CDH13: variants seen among roughly 807,000 people sequenced by gnomAD.
CDH13 encodes cadherin-13.
Under a neutral mutation model 63.8 loss-of-function variants are expected in CDH13, and 24 were observed. The observed-to-expected ratio is 0.38, with a 90% CI of 0.27 to 0.53. The LOEUF (loss-of-function observed/expected upper bound fraction) is 0.53. Among genes scored for constraint, CDH13 ranks in the 20% least tolerant of loss-of-function variants. The pLI, the probability that CDH13 is intolerant of heterozygous loss-of-function variation, is 0.85. For synonymous variants in CDH13, 503 were observed against 355.3 expected, an observed-to-expected ratio of 1.42 and a Z score of -4.67; for missense variants, 1,049 against 903.1, an observed-to-expected ratio of 1.16 and a Z score of -2.07.
intron 2 of CDH13, among the ~76,000 whole-genome samples, chr16:82,934,067 C>T (rs2042588422): frequency 6.6e-6 from 1 of 152,204 alleles, no homozygotes; most frequent in Admixed American, 6.5e-5. Context: ...TAGGCAGTGC[C>T]CCAGTGGGGA....
At chr16:82,862,243 C>T (rs184144172) in intron 2 of CDH13, among the ~76,000 whole-genome samples, 78 of 152,262 alleles carry the variant, frequency 5.1e-4, no homozygotes, top group Admixed American at 1.7e-3. Flanking sequence ...CATCATGACA[C>T]CCAGAACAGA....
chr16:82,913,420 C>G (rs538206595), intron 2 of CDH13, among the ~76,000 whole-genome samples: 1 of 152,226 alleles, frequency 6.6e-6, no homozygotes, highest in East Asian at 1.9e-4. Flanking sequence ...TTTCCCAGAT[C>G]TAGGTCTGAT....
At chr16:83,605,529 G>C (rs1908247383) in intron 8 of CDH13, among the ~76,000 whole-genome samples, 1 of 152,164 alleles carries the variant, frequency 6.6e-6, no homozygotes, top group Non-Finnish European at 1.5e-5. Flanking sequence ...CTCTTCACCT[G>C]TTAACGGGCT....
intron 4 of CDH13, among the ~76,000 whole-genome samples, chr16:83,200,102 T>C (rs1007796238): frequency 1.3e-5 from 2 of 152,108 alleles, no homozygotes; most frequent in African/African-American, 4.8e-5. Flanking sequence ...GATACGCTTG[T>C]TCAGGGCTGC....
chr16:83,446,300 CAA>C (rs200693082), intron 6 of CDH13, among the ~76,000 whole-genome samples: 41 of 82,332 alleles, frequency 5.0e-4, no homozygotes, highest in Non-Finnish European at 4.8e-4. Flanking sequence ...GAGACTGTCT[CAA>C]AAAAAAAAAA....
At chr16:83,193,538 T>A (rs966910976) in intron 4 of CDH13, among the ~76,000 whole-genome samples, 2 of 152,230 alleles carry the variant, frequency 1.3e-5, no homozygotes, top group African/African-American at 4.8e-5. Flanking sequence ...GACTCCTTTC[T>A]ATGCAGTGGA....
At chr16:82,800,232 T>A (rs1274103117) in intron 1 of CDH13, among the ~76,000 whole-genome samples, 1 of 152,174 alleles carries the variant, frequency 6.6e-6, no homozygotes, top group African/African-American at 2.4e-5. Context: ...TGACAAAAAA[T>A]AATTCAAAAA....
chr16:83,467,869 A>G (rs2073356175), intron 6 of CDH13, among the ~76,000 whole-genome samples: 1 of 152,148 alleles, frequency 6.6e-6, no homozygotes, highest in East Asian at 1.9e-4. Flanking sequence ...TCAGCACAGT[A>G]CCCTGGGCAG....
intron 5 of CDH13, among the ~76,000 whole-genome samples, chr16:83,223,350 C>T (rs561675121): frequency 3.9e-4 from 59 of 152,326 alleles, no homozygotes; most frequent in Admixed American, 2.0e-3. Context: ...TTCCTGAAAG[C>T]CTTTTAAATT....
intron 3 of CDH13, among the ~76,000 whole-genome samples, chr16:83,087,263 A>T (rs2033650306): frequency 6.6e-6 from 1 of 152,210 alleles, no homozygotes; most frequent in South Asian, 2.1e-4. Context: ...GAAACATTGG[A>T]TGAACAATGT....
intron 2 of CDH13, among the ~76,000 whole-genome samples, chr16:82,886,672 T>C (rs1189526308): frequency 6.6e-6 from 1 of 152,138 alleles, no homozygotes; most frequent in Non-Finnish European, 1.5e-5. Flanking sequence ...TTATGAAAAT[T>C]GGACACCGGC....
chr16:83,478,155 G>C (rs77714813), intron 6 of CDH13, among the ~76,000 whole-genome samples: 7 of 148,584 alleles, frequency 4.7e-5, no homozygotes, highest in Non-Finnish European at 8.9e-5. Context: ...GCAAGACTCC[G>C]TCTCAAAAAA....
intron 2 of CDH13, among the ~76,000 whole-genome samples, chr16:83,005,751 G>A (rs543076177): frequency 1.3e-5 from 2 of 152,116 alleles, no homozygotes; most frequent in African/African-American, 4.8e-5. Context: ...TGTTTCTTTT[G>A]CTTTGTTTTG....
chr16:83,067,362 T>C lies in CDH13; in HGVS notation c.366+35144T>C, dbSNP rs538712283. Among the ~76,000 whole-genome samples, 8 of 152,318 alleles carry C rather than the reference T, an allele frequency of 5.3e-5. No individual in the cohort carries two copies. The South Asian group carries it at 1.0e-3, about 20-fold the overall frequency. On this transcript the variant is annotated intron_variant, in intron 3 of 13. Transcript: ENST00000567109. ...CATGCAGAACTATAGTAAGTCACTA[T>C]ATCCCTTTGAGCCATAGTTTCCAGT...
At chr16:82,761,322 T>G (rs2034848314) in intron 1 of CDH13, among the ~76,000 whole-genome samples, 1 of 152,076 alleles carries the variant, frequency 6.6e-6, no homozygotes, top group Non-Finnish European at 1.5e-5. Context: ...CCGGCACATT[T>G]CAACACATGA....
intron 11 of CDH13, among the ~76,000 whole-genome samples, chr16:83,779,405 T>TAAAAAAAA (rs1174439191): frequency 0.029 from 1,975 of 67,772 alleles, 800 homozygotes; most frequent in South Asian, 0.033. Flanking sequence ...AGACTCCATC[T>TAAAAAAAA]CAAAAAAAAA....
intron 5 of CDH13, among the ~76,000 whole-genome samples, chr16:83,260,915 A>G (rs111403799): frequency 0.014 from 2,138 of 151,984 alleles, 56 homozygotes; most frequent in African/African-American, 0.047. Context: ...TGGATGCACC[A>G]GGTCTTGGGG....
intron 7 of CDH13, among the ~76,000 whole-genome samples, chr16:83,578,117 A>G (rs966207988): frequency 1.3e-5 from 2 of 152,126 alleles, no homozygotes; most frequent in Non-Finnish European, 2.9e-5. Flanking sequence ...TGCTGCAAAG[A>G]GCTATGCTTG....
intron 1 of CDH13, among the ~76,000 whole-genome samples, chr16:82,642,424 C>T (rs1015000230): frequency 2.6e-5 from 4 of 152,138 alleles, no homozygotes; most frequent in African/African-American, 9.7e-5. Context: ...ATGTACAGGG[C>T]ATAATAAAGA....
Sources: allele counts gnomAD v4.1 joint callset (sites outside exome capture counted in the v4.1 genomes callset), GRCh38; gene constraint gnomAD v4.1.1; transcripts MANE v1.5; gene names NCBI Gene and HGNC (gene_info 2026-07-23, HGNC 2026-07-21).